The following PLK1 variants were observed in gnomAD, a reference collection of about 807,000 sequenced individuals.
PLK1 encodes the protein polo like kinase 1.
In PLK1, 6 loss-of-function variants were observed where a neutral mutation model predicts 56.7. The observed-to-expected ratio is 0.11, with a 90% CI of 0.06 to 0.21. PLK1 has a LOEUF of 0.21. Ranked by LOEUF, PLK1 falls within the 10% of genes least tolerant of loss-of-function variation. The pLI is 1.00. For synonymous variants in PLK1, 298 were observed against 325.0 expected (o/e 0.92, Z 0.89); for missense variants, 546 against 814.4 (o/e 0.67, Z 4.01).
rs1157770654 is a variant in PLK1, at chr16:23,688,760, G to C, written c.1270+15G>C. 6.3e-7 allele frequency: 1 copy of C among 1,585,004 alleles called. No homozygotes were observed. Among genetic ancestry groups the C allele is most frequent in the East Asian group, 2.2e-5 (1 of 44,746 alleles). ...GTACGGCCTTGGTAGGTTTCTTCCA[G>C]AACAGGTGGGTGACTCAGGCACAGC... is the stretch of plus-strand genomic sequence containing the variant. On this transcript the variant is annotated intron_variant, in intron 7 of 9. Coordinates refer to ENST00000300093, the MANE Select transcript of PLK1 (RefSeq NM_005030.6).
chr16:23,678,998 C>A lies in PLK1; in HGVS notation c.66C>A (p.Val22=). The A allele has an allele frequency of 6.2e-7, 1 of 1,603,840 alleles. No homozygotes were observed. Residue 22 remains valine (V), a synonymous_variant, in exon 1 of 10, where the codon GTC becomes GTA. Transcript: ENST00000300093. ...CGGCCGACCCTGGGAAAGCCGGGGT[C>A]CCCGGAGTTGCAGCTCCCGGAGCTC... The part of the protein sequence containing the change: ...RAPADPGKAG[V]PGVAAPGAPA...
Position 23,689,309 on chromosome 16 carries a change from G to A in PLK1, c.1342G>A (p.Gly448Ser). ...DSTRLILYNDGDSLQYIERDG... is the reference protein window; with the variant it reads ...DSTRLILYNDSDSLQYIERDG... ...AACACGCCTCATCCTCTACAATGATGGTGACAGCCTGCAGTACATAGAGCG... is the reference window on the plus strand; with the variant it reads ...AACACGCCTCATCCTCTACAATGATAGTGACAGCCTGCAGTACATAGAGCG... The change falls in exon 8 of 10, where the codon GGT (glycine) becomes AGT (serine). Residue 448 changes from glycine (G) to serine (S), a missense_variant. Around this residue, in one of 7 missense-constraint regions of PLK1, gnomAD observed 113 missense variants for 202.0 expected, o/e 0.56. Transcript: ENST00000300093. This position sits in a 1 kb window ranked among gnomAD's most constrained non-coding sequence, Gnocchi z 4.8. 6.2e-7 allele frequency: 1 copy of A among 1,613,986 alleles called. No individual in the cohort carries two copies. The highest frequency in any genetic ancestry group is 8.5e-7 in the Non-Finnish European group (1 of 1,179,878).
In PLK1 at chr16:23,678,900, T is replaced by G. The variant is rs756521844; in HGVS notation, c.-33T>G. 42 of 1,462,724 alleles carry G rather than the reference T, an allele frequency of 2.9e-5. No individual in the cohort carries two copies. Among genetic ancestry groups the G allele is most frequent in the African/African-American group, 7.1e-5 (5 of 70,588 alleles). The allele number at this position is 1,462,724 out of a possible 1,614,324, so 90.6% of individuals were successfully genotyped here. On this transcript the variant is annotated 5_prime_UTR_variant, in exon 1 of 10. Coordinates refer to ENST00000300093, the MANE Select transcript of PLK1 (RefSeq NM_005030.6). Reference sequence around the variant, plus strand: ...GAGCGGAGCGGTGCGGAGGCTCTGCTCGGATCGAGGTCTGCAGCGCAGCTT... The same window carrying G: ...GAGCGGAGCGGTGCGGAGGCTCTGCGCGGATCGAGGTCTGCAGCGCAGCTT...
At chr16:23,679,957 AC>A in intron 1 of PLK1, 126 bp from the exon 2 acceptor site, 1 of 639,014 alleles carries the variant, frequency 1.6e-6, no homozygotes, top group Non-Finnish European at 2.7e-6. Context: ...ACCCACCAAG[AC>A]CCCTCTTTCA....
At position 23,689,703 on chromosome 16, in the gene PLK1, A is replaced by T; in HGVS notation, c.1608+27A>T. On this transcript the variant is annotated intron_variant, in intron 9 of 9. Coordinates refer to ENST00000300093, the MANE Select transcript of PLK1 (RefSeq NM_005030.6). The surrounding 1 kb of genome is among the most constrained non-coding windows in gnomAD (Gnocchi z 4.8). ...TGAGCTGGAGGTCACCAGGCGCAGG[A>T]GAGAGCTGGGGTAGGCTCCGCATGC... The T allele has an allele frequency of 1.3e-6, 2 of 1,586,166 alleles. No homozygotes were observed. Among genetic ancestry groups the T allele is most frequent in the Non-Finnish European group, 1.7e-6 (2 of 1,165,388 alleles).
At chr16:23,685,722 A>T (rs12149199) in intron 5 of PLK1, among the ~76,000 whole-genome samples, 10,558 of 149,476 alleles carry the variant, frequency 0.071, 567 homozygotes, top group Non-Finnish European at 0.1. Context: ...AAAAAAAAAA[A>T]TTTTTTTTTT....
chr16:23,690,080 C>T lies in PLK1; in HGVS notation c.*17C>T, dbSNP rs148809210. ...GCCTCCTAATAGCTGCCCTCCCCTC[C>T]GGACTGGTGCCCTCCTCACTCCCAC... On this transcript the variant is annotated 3_prime_UTR_variant, in exon 10 of 10. Transcript: ENST00000300093. 5.0e-4 allele frequency: 791 copies of T among 1,588,604 alleles called. 5 individuals are homozygous for T. In the East Asian group the frequency reaches 0.014, roughly 28 times the overall value.
intron 3 of PLK1, among the ~76,000 whole-genome samples, chr16:23,681,450 G>A (rs1259982854): frequency 6.6e-6 from 1 of 152,192 alleles, no homozygotes; most frequent in East Asian, 1.9e-4. Flanking sequence ...GCACAATAAG[G>A]TCTTAAACAC....
chr16:23,688,103 A>G (rs755505867), intron 6 of PLK1, among the ~76,000 whole-genome samples: 8 of 152,124 alleles, frequency 5.3e-5, no homozygotes, highest in Non-Finnish European at 7.3e-5. Flanking sequence ...TTCTCACCCA[A>G]CATAGTCCAA....
At chr16:23,686,074 T>C (rs1203603583) in intron 5 of PLK1, among the ~76,000 whole-genome samples, 3 of 152,234 alleles carry the variant, frequency 2.0e-5, no homozygotes, top group Non-Finnish European at 2.9e-5. Flanking sequence ...GGTCTTGCTC[T>C]GTCTCCCGGG....
chr16:23,679,190 G>A lies in PLK1; in HGVS notation c.258G>A (p.Lys86=). ...KEVFAGKIVP[K]SLLLKPHQRE... ...TGTTCGCGGGCAAGATTGTGCCTAA[G>A]TCTCTGCTGCTCAAGCCGCACCAGA... Residue 86 remains lysine, a synonymous_variant, in exon 1 of 10, where the codon AAG becomes AAA. Coordinates refer to ENST00000300093, the MANE Select transcript of PLK1 (RefSeq NM_005030.6). 1 of 1,614,098 alleles carries A rather than the reference G, an allele frequency of 6.2e-7. No homozygotes were observed. The highest frequency in any genetic ancestry group is 8.5e-7 in the Non-Finnish European group (1 of 1,180,032).
intron 2 of PLK1, among the ~76,000 whole-genome samples, 167 bp from the exon 3 acceptor site, chr16:23,680,747 T>G (rs1298440431): frequency 6.6e-6 from 1 of 152,204 alleles, no homozygotes; most frequent in East Asian, 1.9e-4. Context: ...CTCCCTGGTG[T>G]CAGCATGGGA....
rs1468695518 is a variant in PLK1 at position 23,679,283 on chromosome 16, C to T, written c.351C>T (p.His117=). 2 of 1,613,990 alleles carry T rather than the reference C, an allele frequency of 1.2e-6. No homozygotes were observed. Among genetic ancestry groups the T allele is most frequent in the Admixed American group, 1.7e-5 (1 of 60,008 alleles). The change falls in exon 1 of 10, where the codon CAC becomes CAT. Residue 117 remains histidine (H), a synonymous_variant. Coordinates refer to ENST00000300093, the MANE Select transcript of PLK1 (RefSeq NM_005030.6). ...SLAHQHVVGF[H]GFFEDNDFVF... ...CCCACCAGCACGTCGTAGGATTCCA[C>T]GGCTTTTTCGAGGACAACGACTTCG...
intron 6 of PLK1, among the ~76,000 whole-genome samples, 180 bp from the exon 7 acceptor site, chr16:23,688,488 G>T (rs541328261): frequency 6.6e-6 from 1 of 152,370 alleles, no homozygotes; most frequent in African/African-American, 2.4e-5. Flanking sequence ...GCTGCTGCTT[G>T]TCTGAGCCTG....
intron 5 of PLK1, among the ~76,000 whole-genome samples, chr16:23,686,778 A>G (rs1959434392): frequency 6.6e-6 from 1 of 152,212 alleles, no homozygotes; most frequent in South Asian, 2.1e-4. Context: ...AGTGTGAGCC[A>G]CTGGGCCTGG....
In PLK1 at chr16:23,678,969, G is replaced by A; in HGVS notation, c.37G>A (p.Ala13Thr). 5.7e-6 allele frequency: 9 copies of A among 1,583,716 alleles called. No homozygotes were observed. The highest frequency in any genetic ancestry group is 7.7e-6 in the Non-Finnish European group (9 of 1,165,568). The stretch of plus-strand genomic sequence containing the variant: ...AGTGACTGCAGGGAAGCTGGCACGG[G>A]CACCGGCCGACCCTGGGAAAGCCGG... ...AAVTAGKLAR[A>T]PADPGKAGVP... The change falls in exon 1 of 10, where the codon GCA (alanine) becomes ACA (threonine). Residue 13 changes from alanine to threonine, a missense_variant. Physicochemically the swap from Ala to Thr is moderately conservative, Grantham distance 58. This residue lies in a region of PLK1 where 72 missense variants were observed against 63.7 expected (regional missense o/e 1.13). Coordinates refer to ENST00000300093, the MANE Select transcript of PLK1 (RefSeq NM_005030.6).
In PLK1 at chr16:23,689,564, C is replaced by T. The variant is rs138397393; in HGVS notation, c.1496C>T (p.Pro499Leu). 8.7e-6 allele frequency: 14 copies of T among 1,613,686 alleles called. No homozygotes were observed. The highest frequency in any genetic ancestry group is 3.3e-5 in the South Asian group (3 of 91,086). ...HLLKAGANIT[P>L]REGDELARLP... ...CTGAAGGCAGGTGCCAACATCACGC[C>T]GCGCGAAGGTGATGAGCTCGCCCGG... Residue 499 changes from proline to leucine, a missense_variant, in exon 9 of 10, where the codon CCG becomes CTG. Pro to Leu is a moderately conservative substitution (Grantham distance 98). Coordinates refer to ENST00000300093, the MANE Select transcript of PLK1 (RefSeq NM_005030.6). This position sits in a 1 kb window ranked among gnomAD's most constrained non-coding sequence, Gnocchi z 4.8.
At chr16:23,680,826 C>T (rs1959319707) in intron 2 of PLK1, 88 bp from the exon 3 acceptor site, 2 of 1,313,828 alleles carry the variant, frequency 1.5e-6, no homozygotes, top group African/African-American at 1.5e-5. Context: ...GGCCCTGGTT[C>T]TGGATGGTCA....
At chr16:23,680,726 A>C (rs1397578100) in intron 2 of PLK1, among the ~76,000 whole-genome samples, 188 bp from the exon 3 acceptor site, 1 of 152,186 alleles carries the variant, frequency 6.6e-6, no homozygotes, top group Non-Finnish European at 1.5e-5. Context: ...GAGAAGTGTC[A>C]CTGGAGGCAC....
Sources: allele counts gnomAD v4.1 joint callset (sites outside exome capture counted in the v4.1 genomes callset), GRCh38; gene constraint gnomAD v4.1.1; regional missense constraint gnomAD v4.1.1; non-coding constraint Gnocchi (gnomAD v3.1); transcripts MANE v1.5; gene names NCBI Gene and HGNC (gene_info 2026-07-23, HGNC 2026-07-21).